Variants in AP3D1 observed in about 807,000 individuals in gnomAD.
The protein encoded by AP3D1 is AP-3 complex subunit delta-1.
In AP3D1, 51 loss-of-function variants were observed where a neutral mutation model predicts 147.6. The ratio of observed to expected loss-of-function variants is 0.35; its 90% CI spans 0.28 to 0.44. AP3D1 has a LOEUF of 0.44. AP3D1 is among the 20% of genes least tolerant of loss of function. The pLI, the probability that AP3D1 is intolerant of heterozygous loss-of-function variation, is 1.00. For synonymous variants in AP3D1, 760 were observed against 663.0 expected (o/e 1.15, Z -2.25); for missense variants, 1,421 against 1,624.2 (o/e 0.87, Z 2.15).
chr19:2,136,109 T>C (rs190074548), intron 4 of AP3D1, among the ~76,000 whole-genome samples: 1,829 of 151,140 alleles, frequency 0.012, 35 homozygotes, highest in African/African-American at 0.042. Flanking sequence ...TACATGGCCA[T>C]GACCCAAGAG....
chr19:2,107,192 G>A (rs180738244), intron 31 of AP3D1, among the ~76,000 whole-genome samples: 18 of 151,922 alleles, frequency 1.2e-4, no homozygotes, highest in Admixed American at 3.3e-4. Context: ...CCCGGGAGGC[G>A]GAGCTTGCAG....
chr19:2,133,669 A>T (rs1028356553), intron 4 of AP3D1, among the ~76,000 whole-genome samples: 4 of 152,008 alleles, frequency 2.6e-5, no homozygotes, highest in African/African-American at 9.7e-5. Flanking sequence ...ACGCCTGGCT[A>T]ATTTTTGTAT....
At position 2,151,387 on chromosome 19, in the gene AP3D1, G is replaced by A. The variant is rs2019506601; in HGVS notation, c.-53C>T. 1.5e-6 allele frequency: 2 copies of A among 1,307,418 alleles called. No homozygotes were observed. Among genetic ancestry groups the A allele is most frequent in the East Asian group, 3.3e-5 (1 of 29,898 alleles). 81.0% of individuals were successfully genotyped at this position (1,307,418 alleles called of 1,614,324 possible). ...GGAGGCCCGCGGCTGGGCGCCGTGAGGGGGCCCGGGGCCCGTGCCTGCCGC... is the reference window on the plus strand; with the variant it reads ...GGAGGCCCGCGGCTGGGCGCCGTGAAGGGGCCCGGGGCCCGTGCCTGCCGC... On this transcript the variant is annotated 5_prime_UTR_variant, in exon 1 of 32. Coordinates refer to ENST00000643116, the MANE Select transcript of AP3D1 (RefSeq NM_001261826.3).
chr19:2,102,362 G>T (rs976070963), intron 31 of AP3D1, 94 bp from the exon 32 acceptor site: 4 of 1,070,080 alleles, frequency 3.7e-6, no homozygotes, highest in Non-Finnish European at 1.4e-6. Flanking sequence ...GGGAGGCCAA[G>T]GTGGGTGGAT....
At chr19:2,123,793 G>C (rs942579857) in intron 10 of AP3D1, 37 bp downstream of exon 10, 1 of 1,552,890 alleles carries the variant, frequency 6.4e-7, no homozygotes, top group Non-Finnish European at 8.7e-7. Flanking sequence ...CCTCTGCAGT[G>C]TGGGACCCCA....
Position 2,147,592 on chromosome 19 carries a change from A to AC in AP3D1, c.96+3646_96+3647insG, listed in dbSNP as rs1217000520. Among the ~76,000 whole-genome samples the AC allele has an allele frequency of 7.9e-5, 12 of 150,966 alleles. No individual in the cohort carries two copies. The South Asian group carries it at 2.5e-3, about 31-fold the overall frequency. ...AAGAAGAAGAAAAAAAAAACAAAAAAGAAAAAAGAAAAAGAATATATGGGC... is the reference window on the plus strand; with the variant it reads ...AAGAAGAAGAAAAAAAAAACAAAAAACGAAAAAAGAAAAAGAATATATGGGC... On this transcript the variant is annotated intron_variant, in intron 1 of 31. Coordinates refer to ENST00000643116, the MANE Select transcript of AP3D1 (RefSeq NM_001261826.3).
At position 2,114,122 on chromosome 19, in the gene AP3D1, T is replaced by A. The variant is rs2018365599; in HGVS notation, c.2601+3A>T. The A allele has an allele frequency of 2.6e-6, 4 of 1,554,554 alleles. No individual in the cohort carries two copies. In the South Asian group the frequency reaches 3.5e-5, roughly 14 times the overall value. ...AGGCCGCCGCCCTGGGCACTAGCCT[T>A]ACCTTCTTCTCCTTCTCCTTCTTCT... On this transcript the variant is annotated splice_donor_region_variant and intron_variant, in intron 22 of 31. Coordinates refer to ENST00000643116, the MANE Select transcript of AP3D1 (RefSeq NM_001261826.3).
rs533383615 is a variant in AP3D1, at chr19:2,108,585, G to A, written c.3552+102C>T. The A allele has an allele frequency of 6.8e-5, 73 of 1,076,006 alleles. No homozygotes were observed. In the East Asian group the frequency reaches 1.1e-3, roughly 17 times the overall value. 66.7% of individuals were successfully genotyped at this position (1,076,006 alleles called of 1,614,324 possible). ...CAGCAGTGCTGCCATCACTGTCCTC[G>A]AGCCCTCTAAGTCCCAAAGCGCGCC... On this transcript the variant is annotated intron_variant, in intron 31 of 31. Transcript: ENST00000643116.
chr19:2,164,314 C>G, intron 1 of AP3D1: 1 of 1,214,452 alleles, frequency 8.2e-7, no homozygotes, highest in Non-Finnish European at 1.0e-6. Context: ...CCCTCCTCCG[C>G]CGCCCCTGGG....
rs905051565 is a variant in AP3D1 at position 2,115,606 on chromosome 19, T to C, written c.2081A>G (p.Gln694Arg). ...AATGTGCTCCACGCCCGGGGTGTCC[T>C]GGTACCGCTGCAAAGGCAACACCCA... ...KSSPSPQKRY[Q>R]DTPGVEHIPV... The change falls in exon 19 of 32, where the codon CAG becomes CGG. Residue 694 changes from glutamine (Q) to arginine (R), a missense_variant. Gln to Arg is a conservative substitution (Grantham distance 43). Transcript: ENST00000643116. 12 of 1,612,284 alleles carry C rather than the reference T, an allele frequency of 7.4e-6. No homozygotes were observed. The highest frequency in any genetic ancestry group is 9.3e-6 in the Non-Finnish European group (11 of 1,179,292).
upstream of AP3D1, among the ~76,000 whole-genome samples, chr19:2,155,946 G>A (rs1358633918): frequency 1.3e-5 from 2 of 151,198 alleles, no homozygotes; most frequent in Non-Finnish European, 3.0e-5. Context: ...CCAGCTACTC[G>A]GGAGGCTGAG....
chr19:2,102,334 C>T lies in AP3D1; in HGVS notation c.3553-66G>A, dbSNP rs976175457. 13 of 1,416,210 alleles carry T rather than the reference C, an allele frequency of 9.2e-6. No individual in the cohort carries two copies. The African/African-American group carries it at 1.7e-4, about 18-fold the overall frequency. The allele number at this position is 1,416,210 out of a possible 1,614,324, so 87.7% of individuals were successfully genotyped here. ...AGGGGCTAGGCACGGTGGCTCAAGT[C>T]TGTGATCCCAGCATTTTGGGAGGCC... On this transcript the variant is annotated intron_variant, in intron 31 of 31. Coordinates refer to ENST00000643116, the MANE Select transcript of AP3D1 (RefSeq NM_001261826.3).
rs1164196277 is a variant in AP3D1 at position 2,101,062 on chromosome 19, CT to C, written c.*1110del. 2.0e-5 allele frequency: 3 copies of C among 152,540 alleles called. No homozygotes were observed. Among genetic ancestry groups the C allele is most frequent in the Non-Finnish European group, 1.5e-5 (1 of 68,048 alleles). 9.4% of individuals were successfully genotyped at this position (152,540 alleles called of 1,614,324 possible). On this transcript the variant is annotated 3_prime_UTR_variant, in exon 32 of 32. Coordinates refer to ENST00000643116, the MANE Select transcript of AP3D1 (RefSeq NM_001261826.3). ...TGACAGCAGCGTGATATGTCTCTCT[CT>C]TTATACGGGAATGTCGATAGCAAAT...
Position 2,151,496 on chromosome 19 carries a change from G to A in AP3D1, c.-162C>T. On this transcript the variant is annotated 5_prime_UTR_variant, in exon 1 of 32. Transcript: ENST00000643116. The stretch of plus-strand genomic sequence containing the variant: ...GGCGGGGTCCAAGGACCGCGGCAGA[G>A]GCGGCGACCCGCTCGGCAGGTGCCG... 1 of 213,644 alleles carries A rather than the reference G, an allele frequency of 4.7e-6. No individual in the cohort carries two copies. The highest frequency in any genetic ancestry group is 8.2e-6 in the Non-Finnish European group (1 of 122,174). The allele number at this position is 213,644 out of a possible 1,614,324, so 13.2% of individuals were successfully genotyped here. A position where few individuals can be genotyped will look rare whatever the true frequency, so the allele number is the denominator to read the frequency against.
chr19:2,161,440 G>A (rs111358197), intron 1 of AP3D1, among the ~76,000 whole-genome samples: 5,974 of 152,066 alleles, frequency 0.039, 380 homozygotes, highest in African/African-American at 0.14. Flanking sequence ...GGGATTACAG[G>A]CGTGAGTCAC....
intron 31 of AP3D1, among the ~76,000 whole-genome samples, chr19:2,103,650 C>A (rs1356774381): frequency 5.3e-5 from 8 of 152,186 alleles, no homozygotes; most frequent in Admixed American, 5.2e-4. Flanking sequence ...ACAGGAGAGG[C>A]TGGGCAGGTG....
intron 15 of AP3D1, 132 bp from the exon 16 acceptor site, chr19:2,117,499 A>G: frequency 2.0e-6 from 2 of 996,152 alleles, no homozygotes; most frequent in Non-Finnish European, 1.4e-6. Flanking sequence ...AGCCACAGAG[A>G]GCCCAGCCTT....
intron 11 of AP3D1, 76 bp downstream of exon 11, chr19:2,123,282 C>T (rs756595662): frequency 6.9e-7 from 1 of 1,454,196 alleles, no homozygotes; most frequent in African/African-American, 1.4e-5. Flanking sequence ...TCCACTTCCT[C>T]CTCACACTAG....
At chr19:2,137,310 A>G (rs1481421649) in intron 3 of AP3D1, among the ~76,000 whole-genome samples, 1 of 151,044 alleles carries the variant, frequency 6.6e-6, no homozygotes, top group East Asian at 1.9e-4. Context: ...TGGAATATGT[A>G]TGTGTTTTTT....
Sources: gnomAD v4.1 joint callset for allele counts (sites outside exome capture counted in the v4.1 genomes callset) on GRCh38, gnomAD v4.1.1 for gene constraint, MANE v1.5 for transcripts, NCBI Gene and HGNC (gene_info 2026-07-23, HGNC 2026-07-21) for gene names.